Variants in GREM2 observed in about 807,000 individuals in gnomAD.
GREM2 encodes gremlin 2, DAN family BMP antagonist.
In GREM2, 11 loss-of-function variants were observed where a neutral mutation model predicts 14.2. The ratio of observed to expected loss-of-function variants is 0.78; its 90% CI spans 0.49 to 1.28. The LOEUF (loss-of-function observed/expected upper bound fraction) is 1.28. Among genes scored for constraint, GREM2 ranks in the 50% most tolerant of loss-of-function variants. The pLI, the probability that GREM2 is intolerant of heterozygous loss-of-function variation, is 0.00. For missense variants in GREM2, 210 were observed against 218.5 expected, an observed-to-expected ratio of 0.96 and a Z score of 0.24; for synonymous variants, 98 against 97.6, an observed-to-expected ratio of 1.00 and a Z score of -0.02.
Position 240,542,060 on chromosome 1 carries a change from C to T in GREM2, c.-1-48584G>A, listed in dbSNP as rs758521445. Among the ~76,000 whole-genome samples, 2 of 152,090 alleles carry T rather than the reference C, an allele frequency of 1.3e-5. No individual in the cohort carries two copies. The highest frequency in any genetic ancestry group is 6.6e-5 in the Admixed American group (1 of 15,266). On this transcript the variant is annotated intron_variant, in intron 1 of 1. Coordinates refer to ENST00000318160, the MANE Select transcript of GREM2 (RefSeq NM_022469.4). The surrounding 1 kb of genome is among the most constrained non-coding windows in gnomAD (Gnocchi z 4.1). ...GGGGACATTTGTCAATGTGTGGAGG[C>T]ATTTTTGGTCATCACCACTATGACG...
At chr1:240,552,578 C>G (rs903960512) in intron 1 of GREM2, among the ~76,000 whole-genome samples, 1 of 152,054 alleles carries the variant, frequency 6.6e-6, no homozygotes, top group African/African-American at 2.4e-5. Flanking sequence ...AGAGCAAGAC[C>G]CTATCTCTAA....
At chr1:240,521,396 G>T (rs906477569) in intron 1 of GREM2, among the ~76,000 whole-genome samples, 2 of 151,732 alleles carry the variant, frequency 1.3e-5, no homozygotes, top group African/African-American at 4.9e-5. Flanking sequence ...GTGAAACCCC[G>T]TCTCTACTAA....
chr1:240,601,722 C>T lies in GREM2; in HGVS notation c.-2+10162G>A, dbSNP rs189145514. ...AGGAGTTCGAGACCAGCCTGGCCAA[C>T]ATGGCGAAACCCCGTCTCTGCTAAA... On this transcript the variant is annotated intron_variant, in intron 1 of 1. Transcript: ENST00000318160. Among the ~76,000 whole-genome samples the T allele has an allele frequency of 1.1e-3, 167 of 152,234 alleles. 1 individual carries two copies. The highest frequency in any genetic ancestry group is 6.3e-4 in the Non-Finnish European group (43 of 68,028).
chr1:240,555,170 G>A (rs1231087972), intron 1 of GREM2, among the ~76,000 whole-genome samples: 1 of 151,844 alleles, frequency 6.6e-6, no homozygotes, highest in Non-Finnish European at 1.5e-5. Context: ...AAGAAAGAAA[G>A]AAAGAAAAAA....
At chr1:240,519,870 C>T (rs760421006) in intron 1 of GREM2, among the ~76,000 whole-genome samples, 50 of 152,210 alleles carry the variant, frequency 3.3e-4, no homozygotes, top group African/African-American at 1.0e-3. Flanking sequence ...CGCCTGAGGT[C>T]GGGAGTTTGA....
chr1:240,584,459 G>A (rs1157653630), intron 1 of GREM2, among the ~76,000 whole-genome samples: 1 of 143,276 alleles, frequency 7.0e-6, no homozygotes, highest in Non-Finnish European at 1.5e-5. Context: ...CAAGCCACTG[G>A]ACTCCAGCCT....
intron 1 of GREM2, among the ~76,000 whole-genome samples, chr1:240,506,547 G>A (rs1322517144): frequency 6.6e-6 from 1 of 152,062 alleles, no homozygotes; most frequent in Non-Finnish European, 1.5e-5. Flanking sequence ...TCAATCAGGA[G>A]ACTTAAAACA....
chr1:240,563,442 CTGTAACATAA>C, intron 1 of GREM2, among the ~76,000 whole-genome samples: 1 of 152,286 alleles, frequency 6.6e-6, no homozygotes, highest in East Asian at 1.9e-4. Flanking sequence ...TGAATACATT[CTGTAACATAA>C]TGGCATAGCA....
At chr1:240,582,315 A>T (rs1679499759) in intron 1 of GREM2, among the ~76,000 whole-genome samples, 1 of 151,944 alleles carries the variant, frequency 6.6e-6, no homozygotes, top group Non-Finnish European at 1.5e-5. Context: ...CATGCCTGTA[A>T]ACCCAACTAT....
At chr1:240,535,892 A>G (rs1375789513) in intron 1 of GREM2, among the ~76,000 whole-genome samples, 1 of 152,132 alleles carries the variant, frequency 6.6e-6, no homozygotes, top group Non-Finnish European at 1.5e-5. Context: ...CAAGTCTCCC[A>G]TGAAAACCAA....
chr1:240,576,833 C>A (rs1347495344), intron 1 of GREM2, among the ~76,000 whole-genome samples: 1 of 152,106 alleles, frequency 6.6e-6, no homozygotes, highest in Admixed American at 6.5e-5. Flanking sequence ...GTTTATTAAG[C>A]TCTGCCAGTT....
intron 1 of GREM2, among the ~76,000 whole-genome samples, chr1:240,546,941 C>T (rs1238761849): frequency 6.6e-6 from 1 of 151,896 alleles, no homozygotes; most frequent in Non-Finnish European, 1.5e-5. Flanking sequence ...CATGCAAATT[C>T]CCAATGGAAG....
At chr1:240,567,527 G>C (rs917657160) in intron 1 of GREM2, among the ~76,000 whole-genome samples, 5 of 152,026 alleles carry the variant, frequency 3.3e-5, no homozygotes, top group Non-Finnish European at 5.9e-5. Context: ...TGTCTTTAAA[G>C]TATTGAAAGC....
intron 1 of GREM2, among the ~76,000 whole-genome samples, chr1:240,502,783 CAG>C (rs1227455810): frequency 6.6e-6 from 1 of 152,186 alleles, no homozygotes; most frequent in African/African-American, 2.4e-5. Context: ...TCCTTACTAA[CAG>C]AACCATAATT....
At chr1:240,571,160 C>T (rs1679254268) in intron 1 of GREM2, among the ~76,000 whole-genome samples, 1 of 151,980 alleles carries the variant, frequency 6.6e-6, no homozygotes, top group South Asian at 2.1e-4. Context: ...AATTTTATTC[C>T]GTAATATTCT....
chr1:240,536,364 G>C (rs1333876071), intron 1 of GREM2, among the ~76,000 whole-genome samples: 1 of 152,176 alleles, frequency 6.6e-6, no homozygotes, highest in East Asian at 1.9e-4. Flanking sequence ...AAGCACACAG[G>C]GGGATGCAGT....
Position 240,542,694 on chromosome 1 carries a change from A to ATT in GREM2, c.-1-49220_-1-49219dup, listed in dbSNP as rs553970515. 6.6e-6 allele frequency among the ~76,000 whole-genome samples: 1 copy of ATT among 151,316 alleles called. No individual in the cohort carries two copies. Among genetic ancestry groups the ATT allele is most frequent in the Non-Finnish European group, 1.5e-5 (1 of 67,798 alleles). ...CTCAGAAGGCTTGATCACACTTTGGATTTTTTTTTCACTCAGTTTTGACAG... is the reference window on the plus strand; with the variant it reads ...CTCAGAAGGCTTGATCACACTTTGGATTTTTTTTTTTCACTCAGTTTTGACAG... On this transcript the variant is annotated intron_variant, in intron 1 of 1. Transcript: ENST00000318160. This position sits in a 1 kb window ranked among gnomAD's most constrained non-coding sequence, Gnocchi z 4.1.
chr1:240,501,120 G>A (rs1281178541), intron 1 of GREM2, among the ~76,000 whole-genome samples: 3 of 152,118 alleles, frequency 2.0e-5, no homozygotes, highest in Non-Finnish European at 4.4e-5. Context: ...CAAATGCCAT[G>A]GCTGTGTGAC....
chr1:240,539,879 T>C (rs145873550), intron 1 of GREM2, among the ~76,000 whole-genome samples: 74 of 152,364 alleles, frequency 4.9e-4, no homozygotes, highest in African/African-American at 1.3e-3. Flanking sequence ...TGAGACCTTG[T>C]GGCTTTTGAT....
Sources: allele counts gnomAD v4.1 joint callset (sites outside exome capture counted in the v4.1 genomes callset), GRCh38; gene constraint gnomAD v4.1.1; non-coding constraint Gnocchi (gnomAD v3.1); transcripts MANE v1.5; gene names NCBI Gene and HGNC (gene_info 2026-07-23, HGNC 2026-07-21).